AP4B1: variants seen among roughly 807,000 people sequenced by gnomAD.
AP4B1 encodes AP-4 complex subunit beta-1.
Under a neutral mutation model 76.5 loss-of-function variants are expected in AP4B1, and 49 were observed. That is an observed-to-expected ratio of 0.64 (90% CI 0.51 to 0.81). AP4B1 has a LOEUF of 0.81. AP4B1 is among the 40% of genes least tolerant of loss of function. The pLI is 0.00. For synonymous variants in AP4B1, 330 were observed against 333.3 expected (o/e 0.99, Z 0.11); for missense variants, 911 against 904.9 (o/e 1.01, Z -0.09).
intron 1 of AP4B1, among the ~76,000 whole-genome samples, chr1:113,903,169 G>A (rs780565424): frequency 2.0e-4 from 30 of 152,346 alleles, no homozygotes; most frequent in African/African-American, 7.0e-4. Context: ...AGGTTCAAGC[G>A]ATTCTCCTGC....
At chr1:113,903,379 AT>A (rs1178728013) in intron 1 of AP4B1, among the ~76,000 whole-genome samples, 3 of 152,200 alleles carry the variant, frequency 2.0e-5, no homozygotes, top group Non-Finnish European at 4.4e-5. Context: ...ACAAACACTT[AT>A]TGAATCCCTA....
At chr1:113,899,715 CCAAAAAAAAACAAAAAA>C (rs1260421766) in intron 5 of AP4B1, 172 bp downstream of exon 5, 3 of 876,180 alleles carry the variant, frequency 3.4e-6, no homozygotes, top group African/African-American at 1.7e-5. Flanking sequence ...CCAATCTTGA[CCAAAAAAAAACAAAAAA>C]CAAAAAAAAA....
At position 113,898,748 on chromosome 1, in the gene AP4B1, G is replaced by T; in HGVS notation, c.1168C>A (p.Leu390Met). 6.2e-7 allele frequency: 1 copy of T among 1,610,052 alleles called. No individual in the cohort carries two copies. ...GTAATGTGCTCTTGTCGAAGACCCA[G>T]CAACTCTGTTAAAATCTGAACACAT... ...DQCVQILTEL[L>M]GLRQEHITTV... is the part of the protein sequence containing the mutation. Residue 390 changes from leucine (L) to methionine (M), a missense_variant, in exon 6 of 10, where the codon CTG (leucine) becomes ATG (methionine). Leu to Met is a conservative substitution (Grantham distance 15). Transcript: ENST00000369569.
Position 113,894,773 on chromosome 1 carries a change from T to C in AP4B1, c.*292A>G, listed in dbSNP as rs915405760. 60 of 369,628 alleles carry C rather than the reference T, an allele frequency of 1.6e-4. No homozygotes were observed. The highest frequency in any genetic ancestry group is 2.6e-4 in the Non-Finnish European group (51 of 198,366). 22.9% of individuals were successfully genotyped at this position (369,628 alleles called of 1,614,324 possible). ...TTTCCACACATCAGCCATCTTTAATTACTAACACAATTCCTAAAATTGATT... is the reference window on the plus strand; with the variant it reads ...TTTCCACACATCAGCCATCTTTAATCACTAACACAATTCCTAAAATTGATT... On this transcript the variant is annotated 3_prime_UTR_variant, in exon 10 of 10. Transcript: ENST00000369569.
At chr1:113,898,139 G>T in intron 6 of AP4B1, 196 bp from the exon 7 acceptor site, 2 of 1,022,762 alleles carry the variant, frequency 2.0e-6, no homozygotes, top group Non-Finnish European at 2.8e-6. Context: ...GCTCTTATCA[G>T]ATTGACATGA....
Position 113,904,776 on chromosome 1 carries a change from T to G in AP4B1, c.-59A>C. The G allele has an allele frequency of 7.2e-7, 1 of 1,394,330 alleles. No homozygotes were observed. The highest frequency in any genetic ancestry group is 1.2e-5 in the South Asian group (1 of 86,508). The allele number at this position is 1,394,330 out of a possible 1,614,324, so 86.4% of individuals were successfully genotyped here. Reference sequence around the variant, plus strand: ...CCCACGGTAACTCGAGGGCTCCTTCTCGTCCTGATGTGGGAGCCTGAGTAA... The same window carrying G: ...CCCACGGTAACTCGAGGGCTCCTTCGCGTCCTGATGTGGGAGCCTGAGTAA... On this transcript the variant is annotated 5_prime_UTR_variant, in exon 1 of 10. Transcript: ENST00000369569.
In AP4B1 at chr1:113,894,920, G is replaced by A; in HGVS notation, c.*145C>T. The A allele has an allele frequency of 1.1e-6, 1 of 899,028 alleles. No individual in the cohort carries two copies. Among genetic ancestry groups the A allele is most frequent in the South Asian group, 1.8e-5 (1 of 55,954 alleles). 55.7% of individuals were successfully genotyped at this position (899,028 alleles called of 1,614,324 possible). On this transcript the variant is annotated 3_prime_UTR_variant, in exon 10 of 10. Coordinates refer to ENST00000369569, the MANE Select transcript of AP4B1 (RefSeq NM_001253852.3). ...TGAAAGGAATGAATCAATGTTCTTT[G>A]GCCAAAAACTTAAGAATCCTGATTT...
chr1:113,902,818 A>G lies in AP4B1; in HGVS notation c.158T>C (p.Met53Thr). ...GLDMSGVFME[M>T]VKASATVDIV... is the part of the protein sequence containing the mutation. ...ATCTACAGTGGCACTGGCCTTCACC[A>G]TTTCCATAAAAACACCAGACATGTC... is the stretch of plus-strand genomic sequence containing the variant. Residue 53 changes from methionine (M) to threonine (T), a missense_variant, in exon 2 of 10, where the codon ATG becomes ACG. By Grantham distance (81) the Met-to-Thr change is moderately conservative (BLOSUM62 -1). Transcript: ENST00000369569. The G allele has an allele frequency of 6.2e-7, 1 of 1,614,198 alleles. No homozygotes were observed. The highest frequency in any genetic ancestry group is 1.3e-5 in the African/African-American group (1 of 75,046).
At chr1:113,901,641 G>A (rs1668279258) in intron 3 of AP4B1, 114 bp downstream of exon 3, 1 of 1,469,900 alleles carries the variant, frequency 6.8e-7, no homozygotes, top group Non-Finnish European at 9.4e-7. Flanking sequence ...CCTACTTAAA[G>A]AGATATGTAC....
chr1:113,897,647 TA>T, intron 7 of AP4B1, 192 bp downstream of exon 7: 1 of 641,362 alleles, frequency 1.6e-6, no homozygotes, highest in Non-Finnish European at 2.7e-6. Flanking sequence ...AGTTTTGTAA[TA>T]AAACCCGTCG....
intron 1 of AP4B1, among the ~76,000 whole-genome samples, chr1:113,903,345 C>T (rs1298340514): frequency 6.6e-6 from 1 of 152,236 alleles, no homozygotes; most frequent in Non-Finnish European, 1.5e-5. Context: ...GGATTACCAG[C>T]GTGAGCCACC....
chr1:113,900,435 C>T, intron 4 of AP4B1, 35 bp from the exon 5 acceptor site: 1 of 1,611,990 alleles, frequency 6.2e-7, no homozygotes, highest in Non-Finnish European at 8.5e-7. Context: ...GCTATTTTAG[C>T]AACAAAATTA....
intron 8 of AP4B1, 34 bp from the exon 9 acceptor site, chr1:113,896,072 A>G (rs377641581): frequency 1.2e-6 from 2 of 1,614,006 alleles, no homozygotes; most frequent in African/African-American, 2.7e-5. Flanking sequence ...TTCATTAAAA[A>G]CAAAACCACT....
Position 113,895,026 on chromosome 1 carries a change from T to C in AP4B1, c.*39A>G. 1.3e-6 allele frequency: 2 copies of C among 1,585,936 alleles called. No homozygotes were observed. The highest frequency in any genetic ancestry group is 1.1e-5 in the South Asian group (1 of 88,650). On this transcript the variant is annotated 3_prime_UTR_variant, in exon 10 of 10. Transcript: ENST00000369569. Reference sequence around the variant, plus strand: ...AATAGGAAAGACTAAGAAAGTGTAATAGTTATTCATCTTACTCTAGACAAG... The same window carrying C: ...AATAGGAAAGACTAAGAAAGTGTAACAGTTATTCATCTTACTCTAGACAAG...
intron 5 of AP4B1, 83 bp downstream of exon 5, chr1:113,899,821 C>T (rs1252510541): frequency 1.1e-5 from 18 of 1,607,788 alleles, no homozygotes; most frequent in Non-Finnish European, 1.4e-5. Flanking sequence ...GATTCATGCC[C>T]TTTGCTCTCT....
chr1:113,899,906 AT>A lies in AP4B1; in HGVS notation c.1111del (p.Ile371Ter). ...ADFAQAAIFA[I>X]GGIARTYTDQ... ...AAGGAAAAGGAGCAGACACCTACCT[AT>A]GGCAAAGATGGCAGCCTGTGCAAAG... is the stretch of plus-strand genomic sequence containing the variant. On this transcript the variant is annotated frameshift_variant, in exon 5 of 10. Coordinates refer to ENST00000369569, the MANE Select transcript of AP4B1 (RefSeq NM_001253852.3). LOFTEE classifies it high-confidence loss of function. 1 of 1,614,084 alleles carries A rather than the reference AT, an allele frequency of 6.2e-7. No individual in the cohort carries two copies. Among genetic ancestry groups the A allele is most frequent in the Non-Finnish European group, 8.5e-7 (1 of 1,180,008 alleles).
In AP4B1 at chr1:113,898,108, A is replaced by G. The variant is rs944706077; in HGVS notation, c.1199-165T>C. 5 of 1,339,454 alleles carry G rather than the reference A, an allele frequency of 3.7e-6. No individual in the cohort carries two copies. The South Asian group carries it at 4.1e-5, about 11-fold the overall frequency. The allele number at this position is 1,339,454 out of a possible 1,614,324, so 83.0% of individuals were successfully genotyped here. A position where few individuals can be genotyped will look rare whatever the true frequency, so the allele number is the denominator to read the frequency against. On this transcript the variant is annotated intron_variant, in intron 6 of 9. Transcript: ENST00000369569. ...TCTAAGAAATGTAATGAAATAAGCA[A>G]TAATTTCTTGAATGCATATTGCTCT...
intron 2 of AP4B1, among the ~76,000 whole-genome samples, chr1:113,902,287 T>G (rs543685230): frequency 8.5e-5 from 13 of 152,288 alleles, no homozygotes; most frequent in Non-Finnish European, 1.9e-4. Context: ...TGTCTAAGCC[T>G]CCCAAAGTGC....
Position 113,900,144 on chromosome 1 carries a change from G to T in AP4B1, c.874C>A (p.Leu292Ile). 1 of 1,614,168 alleles carries T rather than the reference G, an allele frequency of 6.2e-7. No individual in the cohort carries two copies. Among genetic ancestry groups the T allele is most frequent in the Non-Finnish European group, 8.5e-7 (1 of 1,180,040 alleles). Residue 292 changes from leucine to isoleucine, a missense_variant, in exon 5 of 10, where the codon CTC becomes ATC. Coordinates refer to ENST00000369569, the MANE Select transcript of AP4B1 (RefSeq NM_001253852.3). Reference protein sequence around the residue: ...LAACSSESRELCFVALCHVRQ... With the variant: ...LAACSSESREICFVALCHVRQ... ...ACATGACAAAGAGCAACAAAACAGA[G>T]CTCACGGCTCTCTGAAGAACAGGCA...
Sources: gnomAD v4.1 joint callset for allele counts (sites outside exome capture counted in the v4.1 genomes callset) on GRCh38, gnomAD v4.1.1 for gene constraint, MANE v1.5 for transcripts, NCBI Gene and HGNC (gene_info 2026-07-23, HGNC 2026-07-21) for gene names.